The following LINGO2 variants were observed in gnomAD, a reference collection of about 807,000 sequenced individuals.
LINGO2 encodes leucine rich repeat and Ig domain containing 2.
Under a neutral mutation model 30.6 loss-of-function variants are expected in LINGO2, and 14 were observed. That is an observed-to-expected ratio of 0.46 (90% CI 0.30 to 0.72). LINGO2 has a LOEUF of 0.72. Ranked by LOEUF, LINGO2 falls within the 30% of genes least tolerant of loss-of-function variation. The pLI is 0.07. For synonymous variants in LINGO2, 317 were observed against 288.5 expected, an observed-to-expected ratio of 1.10 and a Z score of -1.00; for missense variants, 729 against 751.7, an observed-to-expected ratio of 0.97 and a Z score of 0.35.
At chr9:28,985,880 T>C in the LINGO2 span, among the ~76,000 whole-genome samples, 1 of 152,102 alleles carries the variant, frequency 6.6e-6, no homozygotes, top group Non-Finnish European at 1.5e-5. Flanking sequence ...ATCCCATTTG[T>C]CTATTTTCAC....
At chr9:28,640,515 C>CT (rs151049514) in intron 1 of LINGO2, among the ~76,000 whole-genome samples, 31,003 of 139,384 alleles carry the variant, frequency 0.22, 3,899 homozygotes, top group African/African-American at 0.35. Context: ...AGGCCTTGTT[C>CT]TTTTTTTTTT....
the LINGO2 span, among the ~76,000 whole-genome samples, chr9:28,748,138 G>A: frequency 6.6e-6 from 1 of 151,700 alleles, no homozygotes; most frequent in Non-Finnish European, 1.5e-5. Context: ...AGTAATTTTT[G>A]ACACTAAATT....
At chr9:28,522,754 G>T (rs987076421) in intron 1 of LINGO2, among the ~76,000 whole-genome samples, 1 of 152,014 alleles carries the variant, frequency 6.6e-6, no homozygotes, top group Non-Finnish European at 1.5e-5. Context: ...CAGAGCATTC[G>T]AAATTTGTAA....
chr9:28,562,599 TGATGAGGATATAAGGTTTACAATGTTAAA>T (rs1823157019), intron 1 of LINGO2, among the ~76,000 whole-genome samples: 2 of 151,876 alleles, frequency 1.3e-5, no homozygotes, highest in South Asian at 4.1e-4. Flanking sequence ...AAAGGGTTAG[TGATGAGGATATAAGGTTTACAATGTTAAA>T]GCTGCAAAGG....
At chr9:29,000,028 A>G in the LINGO2 span, among the ~76,000 whole-genome samples, 1 of 151,972 alleles carries the variant, frequency 6.6e-6, no homozygotes, top group Non-Finnish European at 1.5e-5. Context: ...TTTCATTTAG[A>G]TAGTAGAAAG....
rs115664450 is a variant in LINGO2 at position 28,283,240 on chromosome 9, G to A, written c.-87+11968C>T. On this transcript the variant is annotated intron_variant, in intron 4 of 5. Coordinates refer to ENST00000379992, the Ensembl canonical transcript of LINGO2. ...ATAAGTAATGGGTATATACATTTAC[G>A]TACAAAATTATGCCAAGAATTATAC... is the stretch of plus-strand genomic sequence containing the variant. Among the ~76,000 whole-genome samples the A allele has an allele frequency of 2.9e-3, 440 of 152,192 alleles. 2 individuals carry two copies. The highest frequency in any genetic ancestry group is 0.01 in the African/African-American group (420 of 41,530).
chr9:28,032,135 G>T (rs1397733364), intron 4 of LINGO2, among the ~76,000 whole-genome samples: 1 of 151,940 alleles, frequency 6.6e-6, no homozygotes, highest in Non-Finnish European at 1.5e-5. Flanking sequence ...AAAACCGATT[G>T]CTCTGCTGTC....
At chr9:28,681,995 T>G in the LINGO2 span, among the ~76,000 whole-genome samples, 1 of 152,122 alleles carries the variant, frequency 6.6e-6, no homozygotes, top group Non-Finnish European at 1.5e-5. Context: ...AGTGACTTAC[T>G]GACAGCAAGC....
intron 5 of LINGO2, among the ~76,000 whole-genome samples, chr9:28,010,649 T>C (rs1822507546): frequency 1.3e-5 from 2 of 152,228 alleles, no homozygotes. Flanking sequence ...CTAGAAATAC[T>C]GTTTTAAAAT....
At chr9:27,983,967 G>A (rs1229795686) in intron 5 of LINGO2, among the ~76,000 whole-genome samples, 1 of 151,852 alleles carries the variant, frequency 6.6e-6, no homozygotes, top group African/African-American at 2.4e-5. Context: ...GGGCTGTGCA[G>A]TGGAAGAATG....
intron 4 of LINGO2, among the ~76,000 whole-genome samples, chr9:28,232,862 A>G (rs532116321): frequency 6.4e-4 from 96 of 149,440 alleles, no homozygotes; most frequent in Non-Finnish European, 8.8e-4. Flanking sequence ...GCATCTGGGG[A>G]AAAAAAAAGG....
chr9:28,540,355 G>A (rs554391111), intron 1 of LINGO2, among the ~76,000 whole-genome samples: 2 of 151,678 alleles, frequency 1.3e-5, no homozygotes, highest in South Asian at 4.2e-4. Context: ...AACCTCTCCA[G>A]GCTCAGGCGT....
At chr9:28,457,620 T>C (rs955769962) in intron 2 of LINGO2, among the ~76,000 whole-genome samples, 2 of 151,796 alleles carry the variant, frequency 1.3e-5, no homozygotes, top group Non-Finnish European at 2.9e-5. Flanking sequence ...CCCTAAGAGA[T>C]GGGGTCTCAT....
intron 5 of LINGO2, among the ~76,000 whole-genome samples, chr9:27,979,897 A>G (rs1820774841): frequency 6.6e-6 from 1 of 151,992 alleles, no homozygotes; most frequent in Admixed American, 6.6e-5. Context: ...ACTGAGAAAA[A>G]TCAGTTTCAT....
At chr9:29,174,322 T>C in the LINGO2 span, among the ~76,000 whole-genome samples, 1 of 152,220 alleles carries the variant, frequency 6.6e-6, no homozygotes, top group Non-Finnish European at 1.5e-5. Flanking sequence ...AAGTAAGTTT[T>C]ACCAGCTGGC....
chr9:29,138,870 T>C, the LINGO2 span, among the ~76,000 whole-genome samples: 1 of 152,018 alleles, frequency 6.6e-6, no homozygotes, highest in Non-Finnish European at 1.5e-5. Context: ...ATGGCAACCA[T>C]GATCTCCACC....
At chr9:29,050,051 A>G in the LINGO2 span, among the ~76,000 whole-genome samples, 1 of 151,636 alleles carries the variant, frequency 6.6e-6, no homozygotes, top group African/African-American at 2.4e-5. Flanking sequence ...TTTTTGAGAC[A>G]GTATTGCTGT....
At chr9:28,427,919 C>G (rs1224216287) in intron 2 of LINGO2, among the ~76,000 whole-genome samples, 1 of 152,110 alleles carries the variant, frequency 6.6e-6, no homozygotes, top group African/African-American at 2.4e-5. Flanking sequence ...CCCCTACTTT[C>G]TTCAATTGAG....
intron 1 of LINGO2, among the ~76,000 whole-genome samples, chr9:28,650,622 G>T (rs1050936950): frequency 5.3e-5 from 8 of 152,072 alleles, no homozygotes. Context: ...CTGACGTCCT[G>T]TTTCCTGCTG....
Sources: gnomAD v4.1 joint callset for allele counts (sites outside exome capture counted in the v4.1 genomes callset) on GRCh38, gnomAD v4.1.1 for gene constraint, MANE v1.5 for transcripts, NCBI Gene and HGNC (gene_info 2026-07-23, HGNC 2026-07-21) for gene names.